TRIM50: variants seen among roughly 807,000 people sequenced by gnomAD.
TRIM50 encodes the protein tripartite motif containing 50, also known as E3 ubiquitin-protein ligase TRIM50.
In TRIM50, 34 loss-of-function variants were observed where a neutral mutation model predicts 44.9. The observed-to-expected ratio is 0.76, with a 90% CI of 0.58 to 1.01. TRIM50 has a LOEUF of 1.01. TRIM50 is among the 50% of genes least tolerant of loss of function. The probability of loss-of-function intolerance (pLI) is 0.00; values close to 1 mark genes in which losing one functional copy is unlikely to be tolerated. For missense variants in TRIM50, 633 were observed against 663.7 expected (o/e 0.95, Z 0.51); for synonymous variants, 307 against 291.1 (o/e 1.05, Z -0.56).
Position 73,313,127 on chromosome 7 carries a change from A to G in TRIM50, c.1258T>C (p.Tyr420His), listed in dbSNP as rs1554543293. 6.3e-7 allele frequency: 1 copy of G among 1,592,780 alleles called. No individual in the cohort carries two copies. The change falls in exon 7 of 7, where the codon TAT becomes CAT. Residue 420 changes from tyrosine to histidine, a missense_variant. Physicochemically the swap from Tyr to His is moderately conservative, Grantham distance 83 (BLOSUM62 2). Coordinates refer to ENST00000333149, the MANE Select transcript of TRIM50 (RefSeq NM_178125.3). This position sits in a 1 kb window ranked among gnomAD's most constrained non-coding sequence, Gnocchi z 4.9. ...HPHRIGLYLHYEQGELTFFDA... is the reference protein window; with the variant it reads ...HPHRIGLYLHHEQGELTFFDA... ...AAGAAGGTGAGTTCGCCCTGCTCAT[A>G]GTGCAGGTAGAGCCCGATGCGGTGG...
chr7:73,326,242 ATC>A (rs575901688), intron 1 of TRIM50, among the ~76,000 whole-genome samples: 1 of 150,246 alleles, frequency 6.7e-6, no homozygotes, highest in Non-Finnish European at 1.5e-5. Flanking sequence ...TGATGATTCA[ATC>A]TCTCTATTTT....
At position 73,318,965 on chromosome 7, in the gene TRIM50, CCAGG is replaced by C. The variant is rs782737563; in HGVS notation, c.579_582del (p.Cys193TrpfsTer4). The C allele has an allele frequency of 6.2e-7, 1 of 1,614,012 alleles. No homozygotes were observed. The highest frequency in any genetic ancestry group is 8.5e-7 in the Non-Finnish European group (1 of 1,179,858). ...CCACGGGTGTGACCCCCTATCCCCT[CCAGG>C]CAGCGGGCCTTCTCCTCATCCACCA... On this transcript the variant is annotated frameshift_variant, in exon 4 of 7. Coordinates refer to ENST00000333149, the MANE Select transcript of TRIM50 (RefSeq NM_178125.3). LOFTEE classifies it high-confidence loss of function.
chr7:73,328,065 C>T lies in TRIM50; in HGVS notation c.-184G>A. The T allele has an allele frequency of 2.4e-6, 2 of 843,648 alleles. No homozygotes were observed. The highest frequency in any genetic ancestry group is 3.7e-6 in the Non-Finnish European group (2 of 534,328). 52.3% of individuals were successfully genotyped at this position (843,648 alleles called of 1,614,324 possible). ...ACATGCCCCGCCTCGCGCTACCGCG[C>T]GTGCCCCATCATGCTCTGCGCGCTC... is the stretch of plus-strand genomic sequence containing the variant. On this transcript the variant is annotated 5_prime_UTR_variant, in exon 1 of 7. Transcript: ENST00000333149.
intron 1 of TRIM50, 40 bp from the exon 2 acceptor site, chr7:73,324,845 C>G: frequency 6.2e-7 from 1 of 1,609,280 alleles, no homozygotes; most frequent in South Asian, 1.1e-5. Context: ...GTCCCCTCCC[C>G]TCCCCCTGTC....
intron 6 of TRIM50, chr7:73,314,677 C>T (rs1554543766): frequency 4.4e-6 from 1 of 226,320 alleles, no homozygotes; most frequent in African/African-American, 2.4e-5. Context: ...AATGAAAAAC[C>T]CCGTCTCTAC....
At chr7:73,326,342 A>G (rs1373368983) in intron 1 of TRIM50, among the ~76,000 whole-genome samples, 3 of 150,778 alleles carry the variant, frequency 2.0e-5, no homozygotes, top group African/African-American at 7.3e-5. Flanking sequence ...GCCTCAAGCA[A>G]TCCTCCTACC....
intron 6 of TRIM50, 132 bp downstream of exon 6, chr7:73,316,433 A>G: frequency 8.1e-7 from 1 of 1,239,274 alleles, no homozygotes; most frequent in Non-Finnish European, 1.1e-6. Context: ...ACTCAGTCCC[A>G]TGCTCTCACT....
In TRIM50 at chr7:73,314,861, A is replaced by G. The variant is rs1350741344; in HGVS notation, c.875-1351T>C. 9 of 195,010 alleles carry G rather than the reference A, an allele frequency of 4.6e-5. No homozygotes were observed. The East Asian group carries it at 1.1e-3, about 24-fold the overall frequency. 12.1% of individuals were successfully genotyped at this position (195,010 alleles called of 1,614,324 possible). A position where few individuals can be genotyped will look rare whatever the true frequency, so the allele number is the denominator to read the frequency against. ...ACTCTGTCTCAAAAAAAAAAAAAAA[A>G]AAAGGAAGGCTCAGCTGGTGGTGAC... On this transcript the variant is annotated intron_variant, in intron 6 of 6. Coordinates refer to ENST00000333149, the MANE Select transcript of TRIM50 (RefSeq NM_178125.3).
In TRIM50 at chr7:73,318,700, A is replaced by C; in HGVS notation, c.736T>G (p.Ser246Ala). Residue 246 changes from serine (S) to alanine (A), a missense_variant, in exon 5 of 7, where the codon TCC becomes GCC. Physicochemically the swap from Ser to Ala is moderately conservative, Grantham distance 99. Coordinates refer to ENST00000333149, the MANE Select transcript of TRIM50 (RefSeq NM_178125.3). ...DHHKFIRKFH[S>A]MASRAEMPQA... is the part of the protein sequence containing the mutation. Reference sequence around the variant, plus strand: ...CAAGGTTATTACCTGGAGGCCATGGAGTGGAACTTCTGGAAGGCAAGAGAG... The same window carrying C: ...CAAGGTTATTACCTGGAGGCCATGGCGTGGAACTTCTGGAAGGCAAGAGAG... 1 of 1,613,828 alleles carries C rather than the reference A, an allele frequency of 6.2e-7. No homozygotes were observed. The highest frequency in any genetic ancestry group is 2.2e-5 in the East Asian group (1 of 44,876).
chr7:73,324,467 G>A lies in TRIM50; in HGVS notation c.321C>T (p.Ile107=), dbSNP rs1804569994. 1 of 1,613,476 alleles carries A rather than the reference G, an allele frequency of 6.2e-7. No individual in the cohort carries two copies. The highest frequency in any genetic ancestry group is 1.7e-5 in the Admixed American group (1 of 60,000). The change falls in exon 2 of 7, where the codon ATC becomes ATT. Residue 107 remains isoleucine, a synonymous_variant. Coordinates refer to ENST00000333149, the MANE Select transcript of TRIM50 (RefSeq NM_178125.3). ...SLFCEKDQEL[I]CGLCGLLGSH... The stretch of plus-strand genomic sequence containing the variant: ...AGCCCAGCAGACCGCAGAGGCCACA[G>A]ATGAGCTCCTGGTCCTTCTCGCAGA...
chr7:73,316,751 A>G (rs1254777700), intron 5 of TRIM50, 62 bp from the exon 6 acceptor site: 3 of 1,583,894 alleles, frequency 1.9e-6, no homozygotes, highest in Non-Finnish European at 8.6e-7. Context: ...CCACCCCTCC[A>G]TCCTATCTAT....
At chr7:73,317,899 C>T (rs1234373736) in intron 5 of TRIM50, among the ~76,000 whole-genome samples, 1 of 152,174 alleles carries the variant, frequency 6.6e-6, no homozygotes, top group Non-Finnish European at 1.5e-5. Flanking sequence ...ATGCCCGGTG[C>T]TCCTGGATGT....
intron 6 of TRIM50, chr7:73,315,009 C>A: frequency 2.7e-6 from 1 of 368,770 alleles, no homozygotes; most frequent in South Asian, 2.4e-5. Context: ...CCAGGAAGAC[C>A]TGCACCACTG....
At chr7:73,326,007 CTGCCTGAGTAGCTGGGACTACAGG>C (rs1224490063) in intron 1 of TRIM50, among the ~76,000 whole-genome samples, 1 of 152,190 alleles carries the variant, frequency 6.6e-6, no homozygotes, top group Non-Finnish European at 1.5e-5. Context: ...CCTACCTCAG[CTGCCTGAGTAGCTGGGACTACAGG>C]TGCATGCCAC....
chr7:73,325,648 C>T (rs1417496410), intron 1 of TRIM50: 2 of 153,894 alleles, frequency 1.3e-5, no homozygotes, highest in African/African-American at 4.8e-5. Context: ...CCCTGTGTCC[C>T]CAAGGTCACC....
chr7:73,320,194 C>T lies in TRIM50; in HGVS notation c.448G>A (p.Val150Met). ...ACCAGTTTGGCGATGAGCTCATCCA[C>T]CTTTTTCTGCTCCTGCTTCAGCTCA... is the stretch of plus-strand genomic sequence containing the variant. ...ISELKQEQKK[V>M]DELIAKLVNN... Residue 150 changes from valine to methionine, a missense_variant, in exon 3 of 7, where the codon GTG becomes ATG. Val to Met is a conservative substitution (Grantham distance 21). Coordinates refer to ENST00000333149, the MANE Select transcript of TRIM50 (RefSeq NM_178125.3). 1 of 1,614,022 alleles carries T rather than the reference C, an allele frequency of 6.2e-7. No individual in the cohort carries two copies. The highest frequency in any genetic ancestry group is 1.1e-5 in the South Asian group (1 of 91,080).
intron 5 of TRIM50, among the ~76,000 whole-genome samples, chr7:73,318,067 TC>T (rs1804401367): frequency 6.6e-6 from 1 of 152,164 alleles, no homozygotes; most frequent in Non-Finnish European, 1.5e-5. Flanking sequence ...CCTGGGTCCT[TC>T]TCAGCCATCA....
At chr7:73,319,856 C>T (rs1211029212) in intron 3 of TRIM50, among the ~76,000 whole-genome samples, 2 of 152,156 alleles carry the variant, frequency 1.3e-5, no homozygotes, top group Non-Finnish European at 2.9e-5. Context: ...GGCACAGGGG[C>T]GGAGGAGTCA....
chr7:73,312,615 A>G lies in TRIM50; in HGVS notation c.*306T>C, dbSNP rs1291677168. On this transcript the variant is annotated 3_prime_UTR_variant, in exon 7 of 7. Coordinates refer to ENST00000333149, the MANE Select transcript of TRIM50 (RefSeq NM_178125.3). The stretch of plus-strand genomic sequence containing the variant: ...TCACAGTAATATGGAAAAGGTATAC[A>G]TGGGACTATTTCTGCCCTCGGAAGC... The G allele has an allele frequency of 5.6e-5, 22 of 393,846 alleles. No homozygotes were observed. Among genetic ancestry groups the G allele is most frequent in the Non-Finnish European group, 5.9e-5 (13 of 222,034 alleles). The allele number at this position is 393,846 out of a possible 1,614,324, so 24.4% of individuals were successfully genotyped here. A position where few individuals can be genotyped will look rare whatever the true frequency, so the allele number is the denominator to read the frequency against.
Sources: allele counts gnomAD v4.1 joint callset (sites outside exome capture counted in the v4.1 genomes callset), GRCh38; gene constraint gnomAD v4.1.1; non-coding constraint Gnocchi (gnomAD v3.1); transcripts MANE v1.5; gene names NCBI Gene and HGNC (gene_info 2026-07-23, HGNC 2026-07-21).